MIDEAS: variants seen among roughly 807,000 people sequenced by gnomAD.
The protein encoded by MIDEAS is mitotic deacetylase associated SANT domain protein.
A neutral mutation model predicts 102.7 loss-of-function variants in MIDEAS; 26 were observed. That is an observed-to-expected ratio of 0.25 (90% CI 0.19 to 0.35). MIDEAS has a LOEUF of 0.35. Among genes scored for constraint, MIDEAS ranks in the 10% least tolerant of loss-of-function variants. MIDEAS has a pLI of 1.00. For missense variants in MIDEAS, 1,231 were observed against 1,435.6 expected, an observed-to-expected ratio of 0.86 and a Z score of 2.30; for synonymous variants, 585 against 591.0, an observed-to-expected ratio of 0.99 and a Z score of 0.15.
intron 3 of MIDEAS, among the ~76,000 whole-genome samples, chr14:73,732,753 T>G (rs1193371156): frequency 7.8e-6 from 1 of 128,882 alleles, no homozygotes; most frequent in Non-Finnish European, 1.5e-5. Context: ...GCCACTGCAC[T>G]CTAGCCGGGG....
rs745784059 is a variant in MIDEAS at position 73,722,833 on chromosome 14, G to A, written c.2589C>T (p.Thr863=). Reference sequence around the variant, plus strand: ...AGTAGAACTCCACGCACTGGGCCACGGTCTTGGTCTGGATCTGGTTTGAAG... The same window carrying A: ...AGTAGAACTCCACGCACTGGGCCACAGTCTTGGTCTGGATCTGGTTTGAAG... The part of the protein sequence containing the change: ...FLVQKLIQTK[T]VAQCVEFYYT... The change falls in exon 10 of 13, where the codon ACC becomes ACT. Residue 863 remains threonine (T), a synonymous_variant. Coordinates refer to ENST00000423556, the MANE Select transcript of MIDEAS (RefSeq NM_001367710.1). The A allele has an allele frequency of 5.0e-6, 8 of 1,613,952 alleles. No homozygotes were observed. The highest frequency in any genetic ancestry group is 3.3e-5 in the Admixed American group (2 of 59,994).
intron 1 of MIDEAS, among the ~76,000 whole-genome samples, chr14:73,779,042 T>C (rs1025134814): frequency 8.6e-5 from 13 of 151,568 alleles, no homozygotes; most frequent in South Asian, 2.1e-4. Flanking sequence ...AGGAGGAAGT[T>C]AGGGAGGTAG....
upstream of MIDEAS, among the ~76,000 whole-genome samples, chr14:73,762,155 C>T (rs1013045792): frequency 6.6e-6 from 1 of 152,248 alleles, no homozygotes; most frequent in African/African-American, 2.4e-5. Context: ...CCAGCCCCTG[C>T]AGTTGGCCTT....
At chr14:73,783,923 G>C (rs984334894) in intron 1 of MIDEAS, among the ~76,000 whole-genome samples, 2 of 152,156 alleles carry the variant, frequency 1.3e-5, no homozygotes, top group African/African-American at 4.8e-5. Context: ...CAAAACACTG[G>C]GTTGTGGTAT....
chr14:73,728,352 C>T (rs2053092189), intron 4 of MIDEAS: 1 of 152,122 alleles, frequency 6.6e-6, no homozygotes, highest in South Asian at 2.1e-4. Context: ...AAGGCGGTTC[C>T]GCTTCCATTT....
In MIDEAS at chr14:73,779,570, AT is replaced by A. The variant is rs774103102; in HGVS notation, c.-248+7531del. On this transcript the variant is annotated intron_variant, in intron 1 of 11. Transcript: ENST00000394071. ...TTTTAATTTGTTTATTATTATTATT[AT>A]TATTTTTTTTTTTTTTTGAGACGGA... Among the ~76,000 whole-genome samples, 102 of 60,152 alleles carry A rather than the reference AT, an allele frequency of 1.7e-3. 1 individual carries two copies. Among genetic ancestry groups the A allele is most frequent in the African/African-American group, 2.9e-3 (52 of 17,870 alleles). The allele number at this position is 60,152 out of a possible 152,430, so 39.5% of individuals were successfully genotyped here.
rs192860093 is a variant in MIDEAS at position 73,740,636 on chromosome 14, G to A, written c.-247-381C>T. Reference sequence around the variant, plus strand: ...CCCAGCTGAGAAAGAGGCAGCAAAAGCCACACTGGCTCCCCTCTCCTCTTA... The same window carrying A: ...CCCAGCTGAGAAAGAGGCAGCAAAAACCACACTGGCTCCCCTCTCCTCTTA... On this transcript the variant is annotated intron_variant, in intron 1 of 12. Coordinates refer to ENST00000423556, the MANE Select transcript of MIDEAS (RefSeq NM_001367710.1). Among the ~76,000 whole-genome samples the A allele has an allele frequency of 2.3e-4, 35 of 152,356 alleles. No individual in the cohort carries two copies. In the East Asian group the frequency reaches 4.4e-3, roughly 19 times the overall value.
rs1358384011 is a variant in MIDEAS at position 73,716,024 on chromosome 14, G to A, written c.*2819C>T. Reference sequence around the variant, plus strand: ...AGCTGAATGCAGATGGATGCTGGGAGATGGATATGGTGAGATGGTGTGGGG... The same window carrying A: ...AGCTGAATGCAGATGGATGCTGGGAAATGGATATGGTGAGATGGTGTGGGG... On this transcript the variant is annotated 3_prime_UTR_variant, in exon 13 of 13. Transcript: ENST00000423556. 2 of 152,540 alleles carry A rather than the reference G, an allele frequency of 1.3e-5. No individual in the cohort carries two copies. Among genetic ancestry groups the A allele is most frequent in the Admixed American group, 6.5e-5 (1 of 15,298 alleles). The allele number at this position is 152,540 out of a possible 1,614,324, so 9.4% of individuals were successfully genotyped here.
At chr14:73,752,233 C>T (rs2053428738) in intron 1 of MIDEAS, among the ~76,000 whole-genome samples, 1 of 152,152 alleles carries the variant, frequency 6.6e-6, no homozygotes, top group African/African-American at 2.4e-5. Flanking sequence ...GAACCAAGAC[C>T]TCAAAGGTAA....
chr14:73,782,361 A>C lies in MIDEAS; in HGVS notation c.-248+4741T>G, dbSNP rs1005755196. Among the ~76,000 whole-genome samples, 9 of 151,146 alleles carry C rather than the reference A, an allele frequency of 6.0e-5. No individual in the cohort carries two copies. In the East Asian group the frequency reaches 1.4e-3, roughly 23 times the overall value. Reference sequence around the variant, plus strand: ...CCTCACTTTGCCCTCCTCACAGTCTATATATATATATAGATATATGAAGAG... The same window carrying C: ...CCTCACTTTGCCCTCCTCACAGTCTCTATATATATATAGATATATGAAGAG... On this transcript the variant is annotated intron_variant, in intron 1 of 11. Transcript: ENST00000394071.
intron 1 of MIDEAS, among the ~76,000 whole-genome samples, chr14:73,782,972 C>T (rs538020794): frequency 3.5e-4 from 53 of 152,260 alleles, no homozygotes; most frequent in Admixed American, 2.9e-3. Context: ...TCCAAGTGGA[C>T]GAAATCTGAT....
At chr14:73,790,261 C>T (rs2053856653), upstream of MIDEAS, 1 of 152,214 alleles carries the variant, frequency 6.6e-6, no homozygotes, top group Non-Finnish European at 1.5e-5. Flanking sequence ...CATACTCCAT[C>T]CCTGACCAGG....
In MIDEAS at chr14:73,718,164, G is replaced by C. The variant is rs1215198564; in HGVS notation, c.*679C>G. 2 of 152,460 alleles carry C rather than the reference G, an allele frequency of 1.3e-5. No individual in the cohort carries two copies. The highest frequency in any genetic ancestry group is 2.9e-5 in the Non-Finnish European group (2 of 68,280). The allele number at this position is 152,460 out of a possible 1,614,324, so 9.4% of individuals were successfully genotyped here. On this transcript the variant is annotated 3_prime_UTR_variant, in exon 13 of 13. Coordinates refer to ENST00000423556, the MANE Select transcript of MIDEAS (RefSeq NM_001367710.1). ...ACGCTAGCCCCTCCCCCAACGCTGA[G>C]AAAACTTTCTAGCCCTAGCAAGGCC... is the stretch of plus-strand genomic sequence containing the variant.
chr14:73,756,228 A>C (rs930903026), intron 1 of MIDEAS, among the ~76,000 whole-genome samples: 1 of 150,828 alleles, frequency 6.6e-6, no homozygotes, highest in Non-Finnish European at 1.5e-5. Context: ...TGCTCCAACT[A>C]TTATTGCTCC....
chr14:73,736,025 T>G (rs1258116740), intron 3 of MIDEAS, among the ~76,000 whole-genome samples: 1 of 152,080 alleles, frequency 6.6e-6, no homozygotes, highest in African/African-American at 2.4e-5. Context: ...GGCTTCGTGA[T>G]GCATGCCTGT....
chr14:73,748,571 CATTGTAA>C (rs1223206125), intron 1 of MIDEAS, among the ~76,000 whole-genome samples: 3 of 150,494 alleles, frequency 2.0e-5, no homozygotes, highest in Non-Finnish European at 4.4e-5. Flanking sequence ...AAAGAGATAC[CATTGTAA>C]ACAGTCACCA....
At chr14:73,738,450 T>C (rs1330782596) in intron 2 of MIDEAS, 110 bp downstream of exon 2, 3 of 1,341,742 alleles carry the variant, frequency 2.2e-6, no homozygotes, top group Non-Finnish European at 2.9e-6. Context: ...CACAGGCAGC[T>C]GGCTAGGGCA....
intron 1 of MIDEAS, among the ~76,000 whole-genome samples, chr14:73,781,701 T>C (rs554015159): frequency 3.3e-4 from 37 of 113,334 alleles, no homozygotes; most frequent in Middle Eastern, 0.02. Context: ...GCCATTGCAC[T>C]CCAGCCTGGG....
upstream of MIDEAS, among the ~76,000 whole-genome samples, chr14:73,762,830 G>A (rs1243211053): frequency 6.6e-6 from 1 of 152,152 alleles, no homozygotes; most frequent in Non-Finnish European, 1.5e-5. Context: ...CGAAAAAGGA[G>A]TACAGAGCTC....
Sources: gnomAD v4.1 joint callset for allele counts (sites outside exome capture counted in the v4.1 genomes callset) on GRCh38, gnomAD v4.1.1 for gene constraint, MANE v1.5 for transcripts, NCBI Gene and HGNC (gene_info 2026-07-23, HGNC 2026-07-21) for gene names.